The following CDYL2 variants were observed in gnomAD, a reference collection of about 807,000 sequenced individuals.
The protein encoded by CDYL2 is chromodomain Y-like protein 2.
Under a neutral mutation model 49.4 loss-of-function variants are expected in CDYL2, and 23 were observed. That is an observed-to-expected ratio of 0.47 (90% CI 0.34 to 0.66). CDYL2 has a LOEUF of 0.66. Among genes scored for constraint, CDYL2 ranks in the 30% least tolerant of loss-of-function variants. The probability of loss-of-function intolerance (pLI) is 0.01; values close to 1 mark genes in which losing one functional copy is unlikely to be tolerated. For missense variants in CDYL2, 678 were observed against 656.4 expected, an observed-to-expected ratio of 1.03 and a Z score of -0.36; for synonymous variants, 360 against 268.8, an observed-to-expected ratio of 1.34 and a Z score of -3.32.
At chr16:80,608,053 T>C (rs1276412507) in intron 6 of CDYL2, 39 bp downstream of exon 6, 2 of 1,525,736 alleles carry the variant, frequency 1.3e-6, no homozygotes, top group African/African-American at 1.4e-5. Context: ...AAAATGGGTC[T>C]ATCAAAAGGA....
intron 4 of CDYL2, among the ~76,000 whole-genome samples, chr16:80,616,492 G>A (rs1413400986): frequency 1.3e-5 from 2 of 152,138 alleles, no homozygotes; most frequent in Non-Finnish European, 2.9e-5. Context: ...AATTTCCCCT[G>A]GAGCAATCGG....
intron 4 of CDYL2, among the ~76,000 whole-genome samples, chr16:80,618,601 C>A (rs2142373178): frequency 6.6e-6 from 1 of 152,328 alleles, no homozygotes; most frequent in East Asian, 1.9e-4. Context: ...TTCTGTTCAG[C>A]TTCCATCCCT....
At chr16:80,757,240 A>C (rs1485274705) in intron 1 of CDYL2, among the ~76,000 whole-genome samples, 1 of 152,204 alleles carries the variant, frequency 6.6e-6, no homozygotes, top group East Asian at 1.9e-4. Context: ...AGGCTATAAA[A>C]TAAGTATTCA....
At chr16:80,788,295 T>G (rs997678437) in intron 1 of CDYL2, among the ~76,000 whole-genome samples, 2 of 152,206 alleles carry the variant, frequency 1.3e-5, no homozygotes, top group Non-Finnish European at 2.9e-5. Context: ...CAGTCATCAC[T>G]TTTTGTGAGT....
chr16:80,737,089 C>A (rs967960718), intron 1 of CDYL2, among the ~76,000 whole-genome samples: 6 of 152,176 alleles, frequency 3.9e-5, no homozygotes, highest in African/African-American at 1.2e-4. Context: ...GCAGGCAGAT[C>A]AGTTTCAGGA....
At chr16:80,700,110 C>T (rs1166000370) in intron 1 of CDYL2, among the ~76,000 whole-genome samples, 7 of 152,168 alleles carry the variant, frequency 4.6e-5, no homozygotes, top group African/African-American at 1.2e-4. Flanking sequence ...CCGCCCGCCT[C>T]GGCCTCCCAA....
intron 1 of CDYL2, among the ~76,000 whole-genome samples, chr16:80,748,160 AT>A (rs1905998937): frequency 3.5e-5 from 5 of 142,480 alleles, no homozygotes; most frequent in Non-Finnish European, 6.1e-5. Context: ...AATAATAATA[AT>A]AATAATATAA....
chr16:80,753,580 C>T (rs1906210690), intron 1 of CDYL2, among the ~76,000 whole-genome samples: 1 of 152,014 alleles, frequency 6.6e-6, no homozygotes, highest in South Asian at 2.1e-4. Flanking sequence ...TGTACTACAG[C>T]CTGGGCAATG....
At chr16:80,636,552 A>G (rs1907835063) in intron 2 of CDYL2, among the ~76,000 whole-genome samples, 1 of 152,350 alleles carries the variant, frequency 6.6e-6, no homozygotes, top group East Asian at 1.9e-4. Context: ...AAGTCAGGAA[A>G]CAACAGGTGC....
chr16:80,768,417 T>C (rs560960619), intron 1 of CDYL2, among the ~76,000 whole-genome samples: 185 of 152,304 alleles, frequency 1.2e-3, no homozygotes, highest in South Asian at 7.3e-3. Flanking sequence ...CAAAATACCA[T>C]AGACTGTGTG....
chr16:80,614,986 T>G (rs1051872619), intron 4 of CDYL2, among the ~76,000 whole-genome samples: 4 of 152,144 alleles, frequency 2.6e-5, no homozygotes, highest in African/African-American at 9.7e-5. Flanking sequence ...GGGATCAGAT[T>G]CAACTGCGAG....
At chr16:80,781,487 G>A (rs778029843) in intron 1 of CDYL2, among the ~76,000 whole-genome samples, 2 of 152,114 alleles carry the variant, frequency 1.3e-5, no homozygotes, top group Non-Finnish European at 2.9e-5. Flanking sequence ...CAACTAGACA[G>A]AACAGTAAGA....
intron 1 of CDYL2, among the ~76,000 whole-genome samples, chr16:80,771,555 A>C (rs1381037353): frequency 6.6e-6 from 1 of 152,146 alleles, no homozygotes; most frequent in Admixed American, 6.5e-5. Flanking sequence ...AAATACAAAA[A>C]TTAGCCAGGT....
intron 1 of CDYL2, among the ~76,000 whole-genome samples, chr16:80,801,007 A>G (rs1261281753): frequency 2.6e-5 from 4 of 152,202 alleles, no homozygotes; most frequent in Admixed American, 2.0e-4. Context: ...TGCTCCATCT[A>G]AAAGTGTTCA....
At chr16:80,798,036 T>C (rs1907818502) in intron 1 of CDYL2, among the ~76,000 whole-genome samples, 1 of 152,162 alleles carries the variant, frequency 6.6e-6, no homozygotes, top group South Asian at 2.1e-4. Flanking sequence ...TTGTTGTTTG[T>C]TTGTTTTTTG....
At chr16:80,755,391 G>A (rs1026773495) in intron 1 of CDYL2, among the ~76,000 whole-genome samples, 12 of 152,166 alleles carry the variant, frequency 7.9e-5, no homozygotes, top group African/African-American at 2.9e-4. Flanking sequence ...GAGAACCAGA[G>A]CCCATACTCG....
chr16:80,751,845 T>A lies in CDYL2; in HGVS notation c.24+52305A>T, dbSNP rs192099611. On this transcript the variant is annotated intron_variant, in intron 1 of 6. Coordinates refer to ENST00000570137, the MANE Select transcript of CDYL2 (RefSeq NM_152342.4). ...CAAAGACTGAAAACCGGCTTCCGTCTCTGATTGAACTGAAAGTGATCTGCC... is the reference window on the plus strand; with the variant it reads ...CAAAGACTGAAAACCGGCTTCCGTCACTGATTGAACTGAAAGTGATCTGCC... 2.0e-5 allele frequency among the ~76,000 whole-genome samples: 3 copies of A among 152,270 alleles called. No individual in the cohort carries two copies. The East Asian group carries it at 5.8e-4, about 29-fold the overall frequency.
chr16:80,723,701 G>A (rs80151295), intron 1 of CDYL2, among the ~76,000 whole-genome samples: 4,174 of 152,240 alleles, frequency 0.027, 80 homozygotes, highest in African/African-American at 0.055. Flanking sequence ...TGTGCCATTC[G>A]TTTACATACT....
intron 2 of CDYL2, among the ~76,000 whole-genome samples, chr16:80,651,686 C>A (rs1908589144): frequency 6.6e-6 from 1 of 152,126 alleles, no homozygotes; most frequent in South Asian, 2.1e-4. Flanking sequence ...TATAAAGCAA[C>A]CTTACTGAAG....
Sources: gnomAD v4.1 joint callset for allele counts (sites outside exome capture counted in the v4.1 genomes callset) on GRCh38, gnomAD v4.1.1 for gene constraint, MANE v1.5 for transcripts, NCBI Gene and HGNC (gene_info 2026-07-23, HGNC 2026-07-21) for gene names.